Variants in GRID1 observed in about 807,000 individuals in gnomAD.
GRID1 encodes glutamate receptor ionotropic, delta-1.
In GRID1, 28 loss-of-function variants were observed where a neutral mutation model predicts 98.0. The observed-to-expected ratio is 0.29, with a 90% CI of 0.21 to 0.39. The LOEUF is 0.39. Among genes scored for constraint, GRID1 ranks in the 10% least tolerant of loss-of-function variants. The pLI is 1.00. For synonymous variants in GRID1, 553 were observed against 538.5 expected (o/e 1.03, Z -0.37); for missense variants, 1,111 against 1,340.5 (o/e 0.83, Z 2.67).
chr10:85,720,449 G>C (rs1841687356), intron 12 of GRID1, among the ~76,000 whole-genome samples: 1 of 152,098 alleles, frequency 6.6e-6, no homozygotes, highest in Non-Finnish European at 1.5e-5. Flanking sequence ...CTGTAATCAT[G>C]ATAGTATGGT....
intron 13 of GRID1, among the ~76,000 whole-genome samples, chr10:85,621,681 C>T (rs1219208823): frequency 6.6e-6 from 1 of 152,134 alleles, no homozygotes; most frequent in Non-Finnish European, 1.5e-5. Context: ...ACCAAGGCTT[C>T]AGTCCTCAGC....
At chr10:86,280,402 C>G (rs1277654879) in intron 2 of GRID1, among the ~76,000 whole-genome samples, 1 of 152,118 alleles carries the variant, frequency 6.6e-6, no homozygotes, top group Admixed American at 6.5e-5. Context: ...TTCTTCATTT[C>G]AGGAGCACAG....
chr10:85,728,730 G>A (rs1023788748), intron 9 of GRID1, among the ~76,000 whole-genome samples: 5 of 152,132 alleles, frequency 3.3e-5, no homozygotes, highest in Admixed American at 2.6e-4. Context: ...ACTGAACAAG[G>A]GGCCTTTGGC....
At chr10:86,293,063 C>A (rs1267877246) in intron 2 of GRID1, among the ~76,000 whole-genome samples, 5 of 152,176 alleles carry the variant, frequency 3.3e-5, no homozygotes, top group Admixed American at 2.6e-4. Flanking sequence ...GGCACCATGC[C>A]CAGCCCAGAG....
intron 2 of GRID1, among the ~76,000 whole-genome samples, chr10:86,311,361 G>C (rs1847829819): frequency 6.6e-6 from 1 of 152,134 alleles, no homozygotes; most frequent in Non-Finnish European, 1.5e-5. Context: ...CCTAGTCGGG[G>C]CAGCTGGGAG....
At chr10:86,102,204 C>T (rs1844306349) in intron 4 of GRID1, among the ~76,000 whole-genome samples, 1 of 152,242 alleles carries the variant, frequency 6.6e-6, no homozygotes, top group Non-Finnish European at 1.5e-5. Context: ...ACAGGCCACT[C>T]TGGCTGCCTC....
chr10:85,738,983 T>C (rs1157360860), intron 8 of GRID1, among the ~76,000 whole-genome samples: 1 of 152,156 alleles, frequency 6.6e-6, no homozygotes, highest in Non-Finnish European at 1.5e-5. Context: ...CTCAAATGGA[T>C]AGATTTATTG....
chr10:85,796,700 CA>C (rs61100651), intron 8 of GRID1, among the ~76,000 whole-genome samples: 2,578 of 141,816 alleles, frequency 0.018, 74 homozygotes, highest in African/African-American at 0.058. Context: ...TGATCTAACT[CA>C]AAAAAAAAAA....
chr10:86,360,911 C>G (rs1045129247), intron 2 of GRID1, among the ~76,000 whole-genome samples: 1 of 152,204 alleles, frequency 6.6e-6, no homozygotes, highest in Non-Finnish European at 1.5e-5. Flanking sequence ...ACCAAAACAG[C>G]GACAGCACCA....
chr10:85,929,886 A>G (rs920295919), intron 4 of GRID1, among the ~76,000 whole-genome samples: 7 of 152,154 alleles, frequency 4.6e-5, no homozygotes, highest in African/African-American at 1.7e-4. Flanking sequence ...AGCACTATCT[A>G]TTATGTTCCT....
intron 2 of GRID1, among the ~76,000 whole-genome samples, chr10:86,235,790 C>T (rs1346201274): frequency 6.6e-6 from 1 of 152,188 alleles, no homozygotes; most frequent in East Asian, 1.9e-4. Flanking sequence ...ATCTATTCAC[C>T]AGTTGATGGA....
chr10:85,848,685 T>C (rs1232896300), intron 8 of GRID1, among the ~76,000 whole-genome samples: 1 of 152,246 alleles, frequency 6.6e-6, no homozygotes, highest in East Asian at 1.9e-4. Context: ...ACGTTCTTCT[T>C]TTCATTTATC....
intron 10 of GRID1, among the ~76,000 whole-genome samples, chr10:85,726,411 G>A (rs1841760437): frequency 6.6e-6 from 1 of 152,184 alleles, no homozygotes; most frequent in African/African-American, 2.4e-5. Context: ...GGTTTCTAAA[G>A]CAATCTGGAC....
At chr10:86,131,283 C>A (rs1311513613) in intron 4 of GRID1, among the ~76,000 whole-genome samples, 1 of 152,146 alleles carries the variant, frequency 6.6e-6, no homozygotes, top group African/African-American at 2.4e-5. Context: ...AGGCGAGGCC[C>A]CCCCAAGGCT....
chr10:85,615,775 G>A (rs1842781152), intron 14 of GRID1, among the ~76,000 whole-genome samples: 2 of 152,186 alleles, frequency 1.3e-5, no homozygotes, highest in Non-Finnish European at 2.9e-5. Flanking sequence ...CTGTTCACTG[G>A]CCTTAATAAG....
At chr10:85,642,549 C>A (rs1843135082) in intron 13 of GRID1, among the ~76,000 whole-genome samples, 1 of 152,218 alleles carries the variant, frequency 6.6e-6, no homozygotes, top group South Asian at 2.1e-4. Flanking sequence ...CTCAGTCAGA[C>A]AGCAAACAGA....
At chr10:85,791,562 T>C (rs1215343298) in intron 8 of GRID1, among the ~76,000 whole-genome samples, 6 of 152,074 alleles carry the variant, frequency 3.9e-5, no homozygotes, top group Non-Finnish European at 5.9e-5. Flanking sequence ...AGGTGAATGA[T>C]AACCAGAAAG....
chr10:85,620,099 G>C, intron 13 of GRID1, 66 bp from the exon 14 acceptor site: 1 of 1,391,262 alleles, frequency 7.2e-7, no homozygotes, highest in Non-Finnish European at 1.0e-6. Flanking sequence ...TGATTGGTGA[G>C]CCATCTTGAT....
intron 3 of GRID1, among the ~76,000 whole-genome samples, chr10:86,163,358 G>A (rs980150995): frequency 2.6e-5 from 4 of 151,678 alleles, no homozygotes; most frequent in Admixed American, 2.6e-4. Flanking sequence ...GCTGTGGGGT[G>A]TAGCTGTCCT....
Sources: allele counts gnomAD v4.1 joint callset (sites outside exome capture counted in the v4.1 genomes callset), GRCh38; gene constraint gnomAD v4.1.1; transcripts MANE v1.5; gene names NCBI Gene and HGNC (gene_info 2026-07-23, HGNC 2026-07-21).